MAGI3: variants seen among roughly 807,000 people sequenced by gnomAD.
MAGI3 encodes the protein membrane-associated guanylate kinase, WW and PDZ domain-containing protein 3.
MAGI3 carries 43 observed loss-of-function variants against 121.8 expected under a neutral mutation model. The observed-to-expected ratio is 0.35, with a 90% CI of 0.28 to 0.46. The LOEUF (loss-of-function observed/expected upper bound fraction) is 0.46, where lower values mean the gene tolerates loss of function less well. MAGI3 is among the 20% of genes least tolerant of loss of function. The probability of loss-of-function intolerance (pLI) is 1.00; values close to 1 mark genes in which losing one functional copy is unlikely to be tolerated. For missense variants in MAGI3, 1,547 were observed against 1,797.3 expected (o/e 0.86, Z 2.52); for synonymous variants, 553 against 639.3 (o/e 0.86, Z 2.04).
At chr1:113,473,245 CT>C (rs895803705) in intron 1 of MAGI3, among the ~76,000 whole-genome samples, 3 of 151,368 alleles carry the variant, frequency 2.0e-5, no homozygotes, top group African/African-American at 7.3e-5. Context: ...ATTTTTTTTT[CT>C]TCCAGTACTT....
chr1:113,669,819 C>T (rs138642741), intron 16 of MAGI3, among the ~76,000 whole-genome samples: 3,587 of 152,090 alleles, frequency 0.024, 146 homozygotes, highest in African/African-American at 0.08. Context: ...CATGAGCCAC[C>T]GCGCCCAGCC....
At chr1:113,681,375 A>G (rs1648206744) in intron 20 of MAGI3, 39 bp downstream of exon 20, 1 of 1,597,872 alleles carries the variant, frequency 6.3e-7, no homozygotes, top group Non-Finnish European at 8.5e-7. Context: ...AAAGTTGTAT[A>G]TTAGGGAGGG....
At chr1:113,551,295 A>G (rs1395911271) in intron 2 of MAGI3, among the ~76,000 whole-genome samples, 1 of 152,098 alleles carries the variant, frequency 6.6e-6, no homozygotes, top group African/African-American at 2.4e-5. Flanking sequence ...CCCTTCCCCC[A>G]TTCTAACTGG....
In MAGI3 at chr1:113,641,964, G is replaced by C. The variant is rs1652565436; in HGVS notation, c.1414G>C (p.Asp472His). ...CTGTGTCCTCGGTCACACTCATGCAGATGTTGTCCAGATGTTTCAATTGGT... is the reference window on the plus strand; with the variant it reads ...CTGTGTCCTCGGTCACACTCATGCACATGTTGTCCAGATGTTTCAATTGGT... The part of the protein sequence containing the change: ...GNCVLGHTHA[D>H]VVQMFQLVPV... Residue 472 changes from aspartate (D) to histidine (H), a missense_variant, in exon 10 of 21, where the codon GAT (aspartate) becomes CAT (histidine). Physicochemically the swap from Asp to His is moderately conservative, Grantham distance 81. Transcript: ENST00000307546. 1.2e-6 allele frequency: 2 copies of C among 1,612,040 alleles called. No individual in the cohort carries two copies. The highest frequency in any genetic ancestry group is 1.7e-6 in the Non-Finnish European group (2 of 1,178,232).
chr1:113,423,081 G>A (rs1652808966), intron 1 of MAGI3, among the ~76,000 whole-genome samples: 1 of 152,098 alleles, frequency 6.6e-6, no homozygotes, highest in Non-Finnish European at 1.5e-5. Flanking sequence ...CATTCAGTAG[G>A]TCCTGAGTTC....
chr1:113,567,257 G>T (rs1660470169), intron 2 of MAGI3, among the ~76,000 whole-genome samples: 1 of 151,898 alleles, frequency 6.6e-6, no homozygotes, highest in African/African-American at 2.4e-5. Context: ...AATCTGAAAA[G>T]ACCTATAATG....
chr1:113,641,530 TAGTC>T (rs1397220029), intron 9 of MAGI3, among the ~76,000 whole-genome samples: 2 of 152,022 alleles, frequency 1.3e-5, no homozygotes, highest in African/African-American at 2.4e-5. Context: ...TTTGTACAAG[TAGTC>T]AGTGGAGTTA....
chr1:113,545,974 G>T (rs996779291), intron 1 of MAGI3, among the ~76,000 whole-genome samples: 4 of 152,120 alleles, frequency 2.6e-5, no homozygotes, highest in African/African-American at 9.7e-5. Flanking sequence ...TGATAATACA[G>T]ATATATTCAG....
Position 113,437,790 on chromosome 1 carries a change from CCTT to C in MAGI3, c.316+46448_316+46450del, listed in dbSNP as rs1323936305. Among the ~76,000 whole-genome samples the C allele has an allele frequency of 5.7e-3, 838 of 147,586 alleles. 7 individuals carry two copies. The highest frequency in any genetic ancestry group is 0.017 in the African/African-American group (696 of 40,238). On this transcript the variant is annotated intron_variant, in intron 1 of 20. Transcript: ENST00000307546. ...TTCTTCTTCCTTCTTTCTTCTTCTT[CCTT>C]CTTCTTTCTTCTTTTCTTCTTCTTC...
intron 6 of MAGI3, among the ~76,000 whole-genome samples, chr1:113,608,494 C>T (rs80348557): frequency 0.1 from 15,674 of 152,132 alleles, 1,042 homozygotes; most frequent in East Asian, 0.19. Context: ...TTATTTTACC[C>T]CTGCAGGAGG....
intron 1 of MAGI3, among the ~76,000 whole-genome samples, chr1:113,439,803 A>G (rs1459655040): frequency 6.6e-6 from 1 of 152,232 alleles, no homozygotes; most frequent in African/African-American, 2.4e-5. Context: ...ATATATTTTT[A>G]TTACATATTA....
At position 113,391,049 on chromosome 1, in the gene MAGI3, A is replaced by G; in HGVS notation, c.16A>G (p.Lys6Glu). MSKTLKKKKHWLSKVQ... is the reference protein window; with the variant it reads MSKTLEKKKHWLSKVQ... Reference sequence around the variant, plus strand: ...GGGGTTCGGGATGTCGAAGACGCTGAAGAAGAAGAAGCACTGGCTCAGCAA... The same window carrying G: ...GGGGTTCGGGATGTCGAAGACGCTGGAGAAGAAGAAGCACTGGCTCAGCAA... The change falls in exon 1 of 21, where the codon AAG becomes GAG. Residue 6 changes from lysine (K) to glutamate (E), a missense_variant. Lys to Glu is a moderately conservative substitution (Grantham distance 56). Coordinates refer to ENST00000307546, the MANE Select transcript of MAGI3 (RefSeq NM_001142782.2). This position sits in a 1 kb window ranked among gnomAD's most constrained non-coding sequence, Gnocchi z 4.4. 1 of 1,587,192 alleles carries G rather than the reference A, an allele frequency of 6.3e-7. No homozygotes were observed. The highest frequency in any genetic ancestry group is 8.6e-7 in the Non-Finnish European group (1 of 1,168,216).
rs564335200 is a variant in MAGI3 at position 113,423,931 on chromosome 1, A to C, written c.316+32582A>C. Reference sequence around the variant, plus strand: ...GGGACTGGTGTGTCAGCGCCACCCCAAGTGCTTGCACACCCGGCCTAGTTG... The same window carrying C: ...GGGACTGGTGTGTCAGCGCCACCCCCAGTGCTTGCACACCCGGCCTAGTTG... On this transcript the variant is annotated intron_variant, in intron 1 of 20. Transcript: ENST00000307546. Among the ~76,000 whole-genome samples, 5 of 152,254 alleles carry C rather than the reference A, an allele frequency of 3.3e-5. No individual in the cohort carries two copies. The South Asian group carries it at 1.0e-3, about 32-fold the overall frequency.
intron 1 of MAGI3, among the ~76,000 whole-genome samples, chr1:113,535,777 T>C (rs1029303813): frequency 3.3e-5 from 5 of 152,098 alleles, no homozygotes; most frequent in Non-Finnish European, 7.4e-5. Flanking sequence ...TCTTCCAATT[T>C]CCAGCCCTAA....
intron 15 of MAGI3, among the ~76,000 whole-genome samples, chr1:113,656,539 G>A (rs536606522): frequency 3.3e-5 from 5 of 151,608 alleles, no homozygotes; most frequent in African/African-American, 7.3e-5. Context: ...TCAGCCTCCC[G>A]ATTAGCTGGG....
At chr1:113,416,329 T>TGC (rs1553182696) in intron 1 of MAGI3, among the ~76,000 whole-genome samples, 8 of 116,048 alleles carry the variant, frequency 6.9e-5, no homozygotes, top group Admixed American at 1.1e-4. Flanking sequence ...TAATTAATTA[T>TGC]ATATCAATCA....
chr1:113,475,870 G>T (rs1655791863), intron 1 of MAGI3, among the ~76,000 whole-genome samples: 1 of 152,066 alleles, frequency 6.6e-6, no homozygotes, highest in Non-Finnish European at 1.5e-5. Context: ...ACTTTTTTTG[G>T]TTGGTAGGCT....
intron 1 of MAGI3, among the ~76,000 whole-genome samples, chr1:113,468,645 A>T (rs941105993): frequency 4.6e-5 from 7 of 152,210 alleles, no homozygotes; most frequent in African/African-American, 1.2e-4. Flanking sequence ...TGTAAAACAC[A>T]TGCTGAATTT....
intron 1 of MAGI3, among the ~76,000 whole-genome samples, chr1:113,533,041 C>T (rs755351170): frequency 1.3e-5 from 2 of 152,114 alleles, no homozygotes; most frequent in Non-Finnish European, 2.9e-5. Flanking sequence ...GGTCTCGTTA[C>T]CTGTGTGCCT....
Sources: allele counts gnomAD v4.1 joint callset (sites outside exome capture counted in the v4.1 genomes callset), GRCh38; gene constraint gnomAD v4.1.1; non-coding constraint Gnocchi (gnomAD v3.1); transcripts MANE v1.5; gene names NCBI Gene and HGNC (gene_info 2026-07-23, HGNC 2026-07-21).